Variants in OR3A3 observed in about 807,000 individuals in gnomAD.
OR3A3 encodes the protein olfactory receptor 3A3.
For missense variants in OR3A3, 275 were observed against 391.4 expected (o/e 0.70, Z 2.51); for synonymous variants, 103 against 163.9 (o/e 0.63, Z 2.84).
chr17:3,415,816 T>A (rs750277406), intron 2 of OR3A3, among the ~76,000 whole-genome samples: 24,868 of 141,562 alleles, frequency 0.18, 2,266 homozygotes, highest in Middle Eastern at 0.22. Context: ...TTATTATTAT[T>A]ATTATTATTA....
intron 2 of OR3A3, among the ~76,000 whole-genome samples, chr17:3,419,911 G>A (rs551619411): frequency 1.7e-4 from 26 of 151,738 alleles, no homozygotes; most frequent in Middle Eastern, 3.4e-3. Context: ...GACTACAGGC[G>A]CCTGCCACCA....
chr17:3,420,968 C>A, exon 3 of OR3A3: 1 of 1,613,356 alleles, frequency 6.2e-7, no homozygotes, highest in East Asian at 2.2e-5. Context: ...CGACTCCTGG[C>A]CATCTGCCAG....
Position 3,415,798 on chromosome 17 carries a change from AATTATTATTATT to A in OR3A3, c.-7+3661_-7+3672del, listed in dbSNP as rs71153352. On this transcript the variant is annotated intron_variant, in intron 2 of 2. Coordinates refer to ENST00000641141, the Ensembl canonical transcript of OR3A3. The stretch of plus-strand genomic sequence containing the variant: ...TTTATTTTTTATTTACTTATTTTTA[AATTATTATTATT>A]ATTATTATTATTATTATTATTATTA... 4.3e-3 allele frequency among the ~76,000 whole-genome samples: 391 copies of A among 90,570 alleles called. 1 individual carries two copies. The highest frequency in any genetic ancestry group is 9.8e-3 in the African/African-American group (304 of 30,882). 59.4% of individuals were successfully genotyped at this position (90,570 alleles called of 152,430 possible).
chr17:3,418,534 G>A (rs1190480628), intron 2 of OR3A3, among the ~76,000 whole-genome samples: 2 of 152,180 alleles, frequency 1.3e-5, no homozygotes, highest in Non-Finnish European at 2.9e-5. Flanking sequence ...TCCAAACTGA[G>A]ACCAAAGAAG....
At chr17:3,420,958 C>A (rs375267220) in exon 3 of OR3A3, 2 of 1,612,366 alleles carry the variant, frequency 1.2e-6, no homozygotes, top group African/African-American at 1.3e-5. Flanking sequence ...GGCCTATGAC[C>A]GACTCCTGGC....
At chr17:3,415,592 A>G (rs1274266340) in intron 2 of OR3A3, among the ~76,000 whole-genome samples, 2 of 150,000 alleles carry the variant, frequency 1.3e-5, no homozygotes, top group East Asian at 3.9e-4. Flanking sequence ...AAAAACCAAC[A>G]ACTGTTTTAT....
At chr17:3,423,137 C>T (rs1359252455) in exon 3 of OR3A3, 1 of 152,188 alleles carries the variant, frequency 6.6e-6, no homozygotes, top group Admixed American at 6.5e-5. Flanking sequence ...TAGAAAGTTC[C>T]TTACCATGGT....
intron 2 of OR3A3, among the ~76,000 whole-genome samples, chr17:3,419,498 GT>G (rs1228630083): frequency 1.3e-5 from 2 of 152,104 alleles, no homozygotes; most frequent in Non-Finnish European, 2.9e-5. Flanking sequence ...ATGTCATCCA[GT>G]TTGTATAAAA....
chr17:3,421,191 C>T (rs2072432039), exon 3 of OR3A3: 1 of 1,614,110 alleles, frequency 6.2e-7, no homozygotes, highest in Admixed American at 1.7e-5. Flanking sequence ...AGCTGCTGCT[C>T]TTTGTAGCAG....
chr17:3,413,845 C>A (rs75077533), intron 2 of OR3A3, among the ~76,000 whole-genome samples: 2,800 of 143,124 alleles, frequency 0.02, 61 homozygotes, highest in East Asian at 0.12. Context: ...AAACAAAAAA[C>A]AAAAAAAAAA....
chr17:3,411,463 T>C lies in OR3A3; in HGVS notation c.-222T>C, dbSNP rs28653680. On this transcript the variant is annotated 5_prime_UTR_variant, in exon 1 of 3. An upstream open reading frame in the 5' UTR loses its in-frame stop. Coordinates refer to ENST00000641141, the Ensembl canonical transcript of OR3A3. ...CAGGCGGATCATGAGGTCAGGAGACTGAGACCATCCTGGCTAACATGGTAA... is the reference window on the plus strand; with the variant it reads ...CAGGCGGATCATGAGGTCAGGAGACCGAGACCATCCTGGCTAACATGGTAA... 93,277 of 151,770 alleles carry C rather than the reference T, an allele frequency of 0.61. 27,426 individuals are homozygous for C. The highest frequency in any genetic ancestry group is 0.88 in the East Asian group (4,515 of 5,156). 9.4% of individuals were successfully genotyped at this position (151,770 alleles called of 1,614,324 possible). A position where few individuals can be genotyped will look rare whatever the true frequency, so the allele number is the denominator to read the frequency against.
intron 2 of OR3A3, among the ~76,000 whole-genome samples, chr17:3,414,344 G>T (rs1238345303): frequency 5.3e-5 from 8 of 152,152 alleles, no homozygotes; most frequent in Non-Finnish European, 1.0e-4. Flanking sequence ...GTGCTGGGAT[G>T]ACAGGCGTGA....
chr17:3,421,280 G>A lies in OR3A3; in HGVS notation c.695G>A (p.Arg232His), dbSNP rs139486740. ...GTGGTAGCTGCTGTGCTGCAAATCCGCTCTGCTGAGGGCAGAAAGAAGGCC... is the reference window on the plus strand; with the variant it reads ...GTGGTAGCTGCTGTGCTGCAAATCCACTCTGCTGAGGGCAGAAAGAAGGCC... Residue 232 changes from arginine to histidine, a missense_variant, in exon 3 of 3, where the codon CGC (arginine) becomes CAC (histidine). Transcript: ENST00000641141. 204 of 1,614,144 alleles carry A rather than the reference G, an allele frequency of 1.3e-4. No individual in the cohort carries two copies. Among genetic ancestry groups the A allele is most frequent in the African/African-American group, 2.7e-4 (20 of 75,018 alleles).
intron 2 of OR3A3, among the ~76,000 whole-genome samples, chr17:3,413,397 T>C (rs924627320): frequency 1.3e-5 from 2 of 152,220 alleles, no homozygotes; most frequent in Non-Finnish European, 2.9e-5. Context: ...AAAGAACATA[T>C]GTACAGAGCT....
chr17:3,421,073 CTG>C lies in OR3A3; in HGVS notation c.491_492del (p.Val164GlyfsTer12). The C allele has an allele frequency of 6.2e-7, 1 of 1,614,184 alleles. No homozygotes were observed. Among genetic ancestry groups the C allele is most frequent in the Non-Finnish European group, 8.5e-7 (1 of 1,180,042 alleles). ...GCCTTCACCAACGCACTGACCCACACTGTGGCCATGTCCACGCTCAACTTCTG... is the reference window on the plus strand; with the variant it reads ...GCCTTCACCAACGCACTGACCCACACTGGCCATGTCCACGCTCAACTTCTG... On this transcript the variant is annotated frameshift_variant, in exon 3 of 3. Coordinates refer to ENST00000641141, the Ensembl canonical transcript of OR3A3. LOFTEE classifies it low-confidence loss of function (END_TRUNC).
chr17:3,418,418 A>C (rs1449826995), intron 2 of OR3A3, among the ~76,000 whole-genome samples: 3 of 152,268 alleles, frequency 2.0e-5, no homozygotes, highest in African/African-American at 7.2e-5. Context: ...CAGCTGAGGA[A>C]CTGCTGACAA....
intron 2 of OR3A3, among the ~76,000 whole-genome samples, chr17:3,413,539 A>G (rs961710999): frequency 2.0e-4 from 31 of 152,018 alleles, no homozygotes; most frequent in Admixed American, 1.3e-3. Flanking sequence ...ACCTGGATGG[A>G]TGCGGTGGCT....
exon 3 of OR3A3, chr17:3,423,549 A>T (rs2072450563): frequency 6.6e-6 from 1 of 152,236 alleles, no homozygotes; most frequent in Admixed American, 6.5e-5. Context: ...GATAGTGGAA[A>T]CATTCAGAAA....
At chr17:3,420,909 C>A in exon 3 of OR3A3, 1 of 1,604,158 alleles carries the variant, frequency 6.2e-7, no homozygotes, top group South Asian at 1.1e-5. Context: ...TCTTCTTCCA[C>A]CTTCTGGCTG....
Sources: allele counts gnomAD v4.1 joint callset (sites outside exome capture counted in the v4.1 genomes callset), GRCh38; gene constraint gnomAD v4.1.1; transcripts MANE v1.5; gene names NCBI Gene and HGNC (gene_info 2026-07-23, HGNC 2026-07-21).